Variants in AGO1 observed in about 807,000 individuals in gnomAD.
The protein encoded by AGO1 is protein argonaute-1.
In AGO1, 11 loss-of-function variants were observed where a neutral mutation model predicts 109.2. The ratio of observed to expected loss-of-function variants is 0.10; its 90% confidence interval spans 0.06 to 0.17. The LOEUF is 0.17. Ranked by LOEUF, AGO1 falls within the 10% of genes least tolerant of loss-of-function variation. The pLI is 1.00. For missense variants in AGO1, 574 were observed against 1,140.3 expected, an observed-to-expected ratio of 0.50 and a Z score of 7.15; for synonymous variants, 422 against 418.6, an observed-to-expected ratio of 1.01 and a Z score of -0.10.
In AGO1 at chr1:35,895,284, TA is replaced by T; in HGVS notation, c.1020+17del. On this transcript the variant is annotated intron_variant, in intron 8 of 18. Transcript: ENST00000373204. The stretch of plus-strand genomic sequence containing the variant: ...TTCCCCTAGAGGTGAGATTGCCAAG[TA>T]ATGGCTGGGGAATAGGCATTGTATA... 1 of 1,609,878 alleles carries T rather than the reference TA, an allele frequency of 6.2e-7. No homozygotes were observed. Among genetic ancestry groups the T allele is most frequent in the Non-Finnish European group, 8.5e-7 (1 of 1,177,614 alleles).
chr1:35,899,819 A>T (rs986288471), intron 8 of AGO1, among the ~76,000 whole-genome samples: 12 of 152,162 alleles, frequency 7.9e-5, no homozygotes, highest in African/African-American at 2.9e-4. Context: ...AATCCTTACA[A>T]CAAACTCATG....
rs1414006163 is a variant in AGO1 at position 35,929,176 on chromosome 1, T to G, written c.*9569T>G. On this transcript the variant is annotated 3_prime_UTR_variant, in exon 19 of 19. Coordinates refer to ENST00000373204, the MANE Select transcript of AGO1 (RefSeq NM_012199.5). ...ATCCAAATATAGGGTGTACATGTAG[T>G]CAGGAGAGAGCCTCATACAGCTTTG... The G allele has an allele frequency of 2.0e-5, 3 of 152,260 alleles. No homozygotes were observed. Among genetic ancestry groups the G allele is most frequent in the African/African-American group, 7.2e-5 (3 of 41,484 alleles). 9.4% of individuals were successfully genotyped at this position (152,260 alleles called of 1,614,324 possible).
intron 16 of AGO1, among the ~76,000 whole-genome samples, chr1:35,917,963 C>T (rs1395927809): frequency 6.6e-6 from 1 of 152,122 alleles, no homozygotes; most frequent in Non-Finnish European, 1.5e-5. Flanking sequence ...GGCCTAGACC[C>T]CATATATAGA....
At chr1:35,915,685 C>T (rs779238948) in intron 15 of AGO1, 143 bp downstream of exon 15, 9 of 748,500 alleles carry the variant, frequency 1.2e-5, no homozygotes, top group South Asian at 1.8e-5. Context: ...GGGCAAGGAT[C>T]GCAACTGAGG....
chr1:35,878,377 G>A (rs150226383), upstream of AGO1, among the ~76,000 whole-genome samples: 544 of 152,162 alleles, frequency 3.6e-3, 2 homozygotes, highest in Non-Finnish European at 5.0e-3. Flanking sequence ...GAGCCACCAC[G>A]CCCGGCTCCT....
intron 14 of AGO1, 103 bp downstream of exon 14, chr1:35,914,377 A>C (rs995696242): frequency 3.4e-6 from 3 of 884,092 alleles, no homozygotes; most frequent in Non-Finnish European, 1.8e-6. Flanking sequence ...TTGAGCCTTC[A>C]TAAGATGTCC....
intron 16 of AGO1, among the ~76,000 whole-genome samples, chr1:35,917,989 G>A (rs1462994565): frequency 6.6e-6 from 1 of 152,124 alleles, no homozygotes; most frequent in African/African-American, 2.4e-5. Context: ...TCCTAGAGAA[G>A]GGGAAGGGAA....
chr1:35,883,136 C>CT, upstream of AGO1: 1 of 1,111,826 alleles, frequency 9.0e-7, no homozygotes, highest in East Asian at 5.3e-5. The surrounding 1 kb of genome is among the most constrained non-coding windows in gnomAD (Gnocchi z 5.4). Context: ...TCTCCATTGG[C>CT]CTTTGTTGCC....
intron 14 of AGO1, among the ~76,000 whole-genome samples, chr1:35,914,940 T>C (rs980104405): frequency 6.6e-6 from 1 of 152,204 alleles, no homozygotes; most frequent in African/African-American, 2.4e-5. Context: ...ATGGTCATGA[T>C]TCCTGGGTAG....
rs1645408639 is a variant in AGO1 at position 35,901,120 on chromosome 1, A to G, written c.1021-354A>G. 6.6e-6 allele frequency among the ~76,000 whole-genome samples: 1 copy of G among 151,204 alleles called. No individual in the cohort carries two copies. On this transcript the variant is annotated intron_variant, in intron 8 of 18. Coordinates refer to ENST00000373204, the MANE Select transcript of AGO1 (RefSeq NM_012199.5). This position sits in a 1 kb window ranked among gnomAD's most constrained non-coding sequence, Gnocchi z 4.8. ...CTCAGCCTCCTGAGTAGCTGGGATT[A>G]CAGGCGCACGCCACCATGCCTGGCT... is the stretch of plus-strand genomic sequence containing the variant.
chr1:35,892,935 CT>C (rs1334608741), intron 3 of AGO1, among the ~76,000 whole-genome samples, 161 bp from the exon 4 acceptor site: 1 of 152,188 alleles, frequency 6.6e-6, no homozygotes, highest in East Asian at 1.9e-4. Context: ...AACAGAAGCA[CT>C]GAGCCAAGGT....
intron 12 of AGO1, among the ~76,000 whole-genome samples, chr1:35,911,584 A>G (rs777022443): frequency 1.3e-5 from 2 of 151,460 alleles, no homozygotes; most frequent in Non-Finnish European, 1.5e-5. Flanking sequence ...TGATTTTTAT[A>G]TTTTATCTGG....
chr1:35,879,734 CAAAAA>C (rs71034705), upstream of AGO1, among the ~76,000 whole-genome samples: 630 of 57,448 alleles, frequency 0.011, 2 homozygotes, highest in African/African-American at 0.045. Context: ...GGTTCTGTCT[CAAAAA>C]AAAAAAAAAA....
intron 3 of AGO1, 133 bp downstream of exon 3, chr1:35,892,810 G>T: frequency 7.8e-7 from 1 of 1,282,222 alleles, no homozygotes; most frequent in Non-Finnish European, 1.1e-6. Flanking sequence ...TGAGGGGTGG[G>T]TAGGTGCTGA....
chr1:35,912,360 G>GA (rs753525049), intron 12 of AGO1, among the ~76,000 whole-genome samples: 751 of 40,512 alleles, frequency 0.019, 3 homozygotes, highest in Middle Eastern at 0.058. Context: ...CTCTGTCTCA[G>GA]AAAAAAAAAA....
chr1:35,888,777 T>C lies in AGO1; in HGVS notation c.209+167T>C, dbSNP rs1490075925. Reference sequence around the variant, plus strand: ...ATGCTGAAAAATAGTCCAATTGGACTTCGCTATTGGAAGATTATTAGTGGC... The same window carrying C: ...ATGCTGAAAAATAGTCCAATTGGACCTCGCTATTGGAAGATTATTAGTGGC... On this transcript the variant is annotated intron_variant, in intron 2 of 18. Coordinates refer to ENST00000373204, the MANE Select transcript of AGO1 (RefSeq NM_012199.5). The surrounding 1 kb of genome is among the most constrained non-coding windows in gnomAD (Gnocchi z 4.1). Among the ~76,000 whole-genome samples the C allele has an allele frequency of 2.0e-5, 3 of 152,274 alleles. No individual in the cohort carries two copies. Among genetic ancestry groups the C allele is most frequent in the African/African-American group, 7.2e-5 (3 of 41,480 alleles).
At chr1:35,906,187 C>A (rs1014454350) in intron 11 of AGO1, among the ~76,000 whole-genome samples, 1 of 152,176 alleles carries the variant, frequency 6.6e-6, no homozygotes, top group African/African-American at 2.4e-5. Context: ...ATAATTGGCT[C>A]TTAGGTTTCA....
In AGO1 at chr1:35,888,765, G is replaced by C. The variant is rs2148708953; in HGVS notation, c.209+155G>C. On this transcript the variant is annotated intron_variant, in intron 2 of 18. Coordinates refer to ENST00000373204, the MANE Select transcript of AGO1 (RefSeq NM_012199.5). The surrounding 1 kb of genome is among the most constrained non-coding windows in gnomAD (Gnocchi z 4.1). ...CACGTCGGGTAAATGCTGAAAAATAGTCCAATTGGACTTCGCTATTGGAAG... is the reference window on the plus strand; with the variant it reads ...CACGTCGGGTAAATGCTGAAAAATACTCCAATTGGACTTCGCTATTGGAAG... Among the ~76,000 whole-genome samples the C allele has an allele frequency of 6.6e-6, 1 of 152,374 alleles. No homozygotes were observed. Among genetic ancestry groups the C allele is most frequent in the African/African-American group, 2.4e-5 (1 of 41,600 alleles).
intron 11 of AGO1, among the ~76,000 whole-genome samples, chr1:35,904,282 T>A (rs1645477956): frequency 6.6e-6 from 1 of 151,922 alleles, no homozygotes; most frequent in African/African-American, 2.4e-5. Flanking sequence ...ATTTTTTGTA[T>A]TTTTAGTAGA....
Sources: allele counts gnomAD v4.1 joint callset (sites outside exome capture counted in the v4.1 genomes callset), GRCh38; gene constraint gnomAD v4.1.1; non-coding constraint Gnocchi (gnomAD v3.1); transcripts MANE v1.5; gene names NCBI Gene and HGNC (gene_info 2026-07-23, HGNC 2026-07-21).